GALNT13: variants seen among roughly 807,000 people sequenced by gnomAD.
GALNT13 encodes UDP-GalNAc:polypeptide N-acetylgalactosaminyltransferase 13.
Under a neutral mutation model 64.2 loss-of-function variants are expected in GALNT13, and 28 were observed. The ratio of observed to expected loss-of-function variants is 0.44; its 90% CI spans 0.32 to 0.60. GALNT13 has a LOEUF of 0.60. GALNT13 is among the 20% of genes least tolerant of loss of function. The pLI is 0.05. For missense variants in GALNT13, 577 were observed against 669.8 expected (o/e 0.86, Z 1.53); for synonymous variants, 214 against 224.6 (o/e 0.95, Z 0.42).
chr2:154,180,486 T>G (rs1365557570), intron 4 of GALNT13, among the ~76,000 whole-genome samples: 1 of 151,726 alleles, frequency 6.6e-6, no homozygotes, highest in Non-Finnish European at 1.5e-5. Context: ...TGCTGAAAGA[T>G]GTACGTTTCT....
At chr2:153,077,501 C>T in the GALNT13 span, among the ~76,000 whole-genome samples, 3 of 151,974 alleles carry the variant, frequency 2.0e-5, no homozygotes, top group South Asian at 6.2e-4. Flanking sequence ...AGATTGGTTC[C>T]AGTCATAAAA....
At chr2:153,294,482 A>T in the GALNT13 span, among the ~76,000 whole-genome samples, 2 of 152,140 alleles carry the variant, frequency 1.3e-5, no homozygotes, top group Non-Finnish European at 2.9e-5. Flanking sequence ...ACTTATTTTT[A>T]TATTTAAAAT....
chr2:154,193,474 C>T (rs938535747), intron 4 of GALNT13, among the ~76,000 whole-genome samples: 14 of 152,102 alleles, frequency 9.2e-5, no homozygotes, highest in Non-Finnish European at 2.9e-5. Flanking sequence ...CCTGAAGAAC[C>T]GTGACCATGA....
intron 3 of GALNT13, among the ~76,000 whole-genome samples, chr2:153,949,709 G>A (rs1464178589): frequency 6.6e-6 from 1 of 151,980 alleles, no homozygotes; most frequent in African/African-American, 2.4e-5. Context: ...TTAAAATTTA[G>A]TGTAATTAAG....
chr2:154,432,733 T>G (rs1700765110), intron 11 of GALNT13, among the ~76,000 whole-genome samples: 1 of 152,172 alleles, frequency 6.6e-6, no homozygotes, highest in South Asian at 2.1e-4. Context: ...TTTCTCTGTC[T>G]CTATTCTCTT....
chr2:153,781,340 C>T, the GALNT13 span, among the ~76,000 whole-genome samples: 1 of 152,130 alleles, frequency 6.6e-6, no homozygotes, highest in Non-Finnish European at 1.5e-5. Flanking sequence ...TTTCTATTGC[C>T]TCAGTTTGCT....
intron 3 of GALNT13, among the ~76,000 whole-genome samples, chr2:153,979,565 A>G (rs1393487933): frequency 6.6e-6 from 1 of 152,220 alleles, no homozygotes; most frequent in Non-Finnish European, 1.5e-5. Flanking sequence ...AGGTATTGAT[A>G]TGCCTGGTTG....
At chr2:154,162,839 G>A (rs1490048993) in intron 4 of GALNT13, among the ~76,000 whole-genome samples, 2 of 151,862 alleles carry the variant, frequency 1.3e-5, no homozygotes, top group Non-Finnish European at 2.9e-5. Flanking sequence ...ACATATGAAT[G>A]TATTTTACAC....
the GALNT13 span, among the ~76,000 whole-genome samples, chr2:153,400,184 A>G: frequency 6.6e-6 from 1 of 151,684 alleles, no homozygotes; most frequent in African/African-American, 2.4e-5. Context: ...TGAGATAATC[A>G]TGTGGTTTTT....
chr2:153,283,211 C>T, the GALNT13 span, among the ~76,000 whole-genome samples: 1 of 152,140 alleles, frequency 6.6e-6, no homozygotes, highest in Admixed American at 6.5e-5. Flanking sequence ...GGCACTAGTA[C>T]TAAGGGAGAA....
the GALNT13 span, among the ~76,000 whole-genome samples, chr2:153,439,761 G>A: frequency 9.9e-5 from 15 of 152,188 alleles, no homozygotes; most frequent in African/African-American, 3.1e-4. Context: ...GACTTGTTGC[G>A]CTTCCTGGGT....
intron 3 of GALNT13, among the ~76,000 whole-genome samples, chr2:153,984,020 T>C (rs1694635228): frequency 6.6e-6 from 1 of 151,934 alleles, no homozygotes. Flanking sequence ...TCATCTTTAA[T>C]TTTAAAGTCT....
chr2:153,212,812 C>T, the GALNT13 span, among the ~76,000 whole-genome samples: 2 of 152,026 alleles, frequency 1.3e-5, no homozygotes, highest in African/African-American at 4.8e-5. Flanking sequence ...GGATTTTATT[C>T]ATTTATTTAT....
chr2:153,674,074 A>G, the GALNT13 span, among the ~76,000 whole-genome samples: 1 of 152,210 alleles, frequency 6.6e-6, no homozygotes, highest in Admixed American at 6.5e-5. Context: ...ATGGAAGAAC[A>G]TTCTATGCTC....
intron 4 of GALNT13, among the ~76,000 whole-genome samples, chr2:154,197,847 C>CTGG (rs1426101429): frequency 6.6e-6 from 1 of 151,206 alleles, no homozygotes. Context: ...TCTTAAAAGA[C>CTGG]ATTGATCTAG....
At chr2:153,478,776 C>A in the GALNT13 span, 1 of 527,944 alleles carries the variant, frequency 1.9e-6, no homozygotes, top group Admixed American at 3.8e-5. Context: ...GCCGTCCGCT[C>A]CAGCCCTGGT....
At chr2:154,290,459 A>C (rs1231166496) in intron 8 of GALNT13, among the ~76,000 whole-genome samples, 2 of 152,236 alleles carry the variant, frequency 1.3e-5, no homozygotes, top group Non-Finnish European at 2.9e-5. Flanking sequence ...TCTTAGGAGC[A>C]AGCCAGAGAA....
At chr2:153,407,987 AAAT>A in the GALNT13 span, among the ~76,000 whole-genome samples, 13 of 152,206 alleles carry the variant, frequency 8.5e-5, no homozygotes, top group Non-Finnish European at 1.5e-5. Flanking sequence ...TTACAGTAAA[AAAT>A]AATGAGAATG....
the GALNT13 span, among the ~76,000 whole-genome samples, chr2:153,435,293 A>T: frequency 1.3e-5 from 2 of 152,106 alleles, no homozygotes; most frequent in East Asian, 3.9e-4. Flanking sequence ...TTGGCTTAGG[A>T]TTGACTTGGC....
Sources: gnomAD v4.1 joint callset for allele counts (sites outside exome capture counted in the v4.1 genomes callset) on GRCh38, gnomAD v4.1.1 for gene constraint, MANE v1.5 for transcripts, NCBI Gene and HGNC (gene_info 2026-07-23, HGNC 2026-07-21) for gene names.